SKP1: variants seen among roughly 807,000 people sequenced by gnomAD.
SKP1 encodes S-phase kinase associated protein 1.
In SKP1, 1 loss-of-function variant was observed where a neutral mutation model predicts 21.5. That is an observed-to-expected ratio of 0.05 (90% CI 0.02 to 0.22). The LOEUF (loss-of-function observed/expected upper bound fraction) is 0.22. Ranked by LOEUF, SKP1 falls within the 10% of genes least tolerant of loss-of-function variation. The pLI is 1.00. For missense variants in SKP1, 70 were observed against 192.0 expected, an observed-to-expected ratio of 0.36 and a Z score of 3.76; for synonymous variants, 59 against 59.3, an observed-to-expected ratio of 0.99 and a Z score of 0.03.
intron 2 of SKP1, chr5:134,173,414 C>CGTAT: frequency 4.4e-6 from 1 of 225,278 alleles, no homozygotes; most frequent in Non-Finnish European, 9.1e-6. Flanking sequence ...CTGACTGAGC[C>CGTAT]CAGAAGGTTG....
At chr5:134,175,787 T>C (rs1227333707) in intron 1 of SKP1, among the ~76,000 whole-genome samples, 1 of 152,190 alleles carries the variant, frequency 6.6e-6, no homozygotes, top group African/African-American at 2.4e-5. Context: ...TAGAATAAAG[T>C]GCAAAATTTT....
At chr5:134,173,858 A>G in intron 2 of SKP1, 68 bp downstream of exon 2, 1 of 882,926 alleles carries the variant, frequency 1.1e-6, no homozygotes, top group East Asian at 2.4e-5. Flanking sequence ...CTGCTCATAT[A>G]AATTTGATAT....
intron 2 of SKP1, among the ~76,000 whole-genome samples, chr5:134,173,059 G>A (rs899828131): frequency 4.0e-5 from 6 of 151,312 alleles, no homozygotes; most frequent in Admixed American, 2.0e-4. Flanking sequence ...GGGGCAGGGC[G>A]CGGTGGCTCA....
rs1761037831 is a variant in SKP1 at position 134,151,200 on chromosome 5, T to C, written c.*6533A>G. The C allele has an allele frequency of 6.6e-6, 1 of 152,510 alleles. No homozygotes were observed. Among genetic ancestry groups the C allele is most frequent in the South Asian group, 2.1e-4 (1 of 4,852 alleles). 9.4% of individuals were successfully genotyped at this position (152,510 alleles called of 1,614,324 possible). A position where few individuals can be genotyped will look rare whatever the true frequency, so the allele number is the denominator to read the frequency against. ...CAAGTCTTCCTTTTTCATTCAAGTG[T>C]TCTCATTCTTTTATCTGAAGCCTAG... On this transcript the variant is annotated 3_prime_UTR_variant, in exon 6 of 6. Transcript: ENST00000353411.
intron 2 of SKP1, among the ~76,000 whole-genome samples, chr5:134,169,587 G>A (rs1041914161): frequency 9.2e-5 from 14 of 152,198 alleles, no homozygotes; most frequent in African/African-American, 2.9e-4. Context: ...GCTTTTGGCC[G>A]GGTGCAGTGG....
At position 134,152,445 on chromosome 5, in the gene SKP1, T is replaced by G. The variant is rs1261459361; in HGVS notation, c.*5288A>C. ...TGTCCACCCCCAAACAAATCCAACT[T>G]GATTCTTGAAACCAAATTAGTTTCA... On this transcript the variant is annotated 3_prime_UTR_variant, in exon 6 of 6. Transcript: ENST00000353411. 1 of 152,318 alleles carries G rather than the reference T, an allele frequency of 6.6e-6. No individual in the cohort carries two copies. Among genetic ancestry groups the G allele is most frequent in the African/African-American group, 2.4e-5 (1 of 41,452 alleles). 9.4% of individuals were successfully genotyped at this position (152,318 alleles called of 1,614,324 possible).
At chr5:134,158,360 A>T in intron 5 of SKP1, 95 bp downstream of exon 5, 1 of 1,604,450 alleles carries the variant, frequency 6.2e-7, no homozygotes, top group East Asian at 2.2e-5. Flanking sequence ...AAGTATCAAG[A>T]CTACTTGATA....
In SKP1 at chr5:134,157,086, T is replaced by G. The variant is rs140159854; in HGVS notation, c.*647A>C. 6.6e-6 allele frequency: 1 copy of G among 152,646 alleles called. No individual in the cohort carries two copies. The highest frequency in any genetic ancestry group is 1.5e-5 in the Non-Finnish European group (1 of 68,040). The allele number at this position is 152,646 out of a possible 1,614,324, so 9.5% of individuals were successfully genotyped here. A position where few individuals can be genotyped will look rare whatever the true frequency, so the allele number is the denominator to read the frequency against. The stretch of plus-strand genomic sequence containing the variant: ...TTGAAAAGCTAACTGTCCAGTTACA[T>G]TTCTCCCAAAAAACCACAAACTGGG... On this transcript the variant is annotated 3_prime_UTR_variant, in exon 6 of 6. Coordinates refer to ENST00000353411, the MANE Select transcript of SKP1 (RefSeq NM_170679.3).
At chr5:134,171,854 G>A (rs932664675) in intron 2 of SKP1, among the ~76,000 whole-genome samples, 2 of 152,164 alleles carry the variant, frequency 1.3e-5, no homozygotes, top group African/African-American at 4.8e-5. Flanking sequence ...AGACCAGCCT[G>A]ACCAACATGG....
At position 134,151,494 on chromosome 5, in the gene SKP1, A is replaced by T; in HGVS notation, c.*6239T>A. The T allele has an allele frequency of 6.1e-6, 2 of 327,356 alleles. No individual in the cohort carries two copies. Among genetic ancestry groups the T allele is most frequent in the South Asian group, 4.8e-5 (2 of 41,738 alleles). 20.3% of individuals were successfully genotyped at this position (327,356 alleles called of 1,614,324 possible). A position where few individuals can be genotyped will look rare whatever the true frequency, so the allele number is the denominator to read the frequency against. ...AAATGGTACATTCAGGAAAGAAAGGACAAATAAGAATTTTCACCAGATAGG... is the reference window on the plus strand; with the variant it reads ...AAATGGTACATTCAGGAAAGAAAGGTCAAATAAGAATTTTCACCAGATAGG... On this transcript the variant is annotated 3_prime_UTR_variant, in exon 6 of 6. Transcript: ENST00000353411.
intron 1 of SKP1, chr5:134,176,591 G>A (rs1314853136): frequency 6.6e-6 from 1 of 152,340 alleles, no homozygotes; most frequent in African/African-American, 2.4e-5. Flanking sequence ...TGCAGAGAAG[G>A]CCCAGCCCGG....
chr5:134,159,960 GGC>G (rs1761189483), intron 4 of SKP1, among the ~76,000 whole-genome samples: 1 of 152,032 alleles, frequency 6.6e-6, no homozygotes, highest in Admixed American at 6.6e-5. Context: ...TGGGATCACA[GGC>G]GTGAGCCACC....
rs1333636490 is a variant in SKP1 at position 134,156,399 on chromosome 5, GACA to G, written c.*1331_*1333del. ...CAGACAACAAATTGGAATTAAGTGA[GACA>G]ACATATGGGACTTTATTAAATAAGG... On this transcript the variant is annotated 3_prime_UTR_variant, in exon 6 of 6. Transcript: ENST00000353411. 6.6e-6 allele frequency: 1 copy of G among 152,162 alleles called. No individual in the cohort carries two copies. Among genetic ancestry groups the G allele is most frequent in the Non-Finnish European group, 1.5e-5 (1 of 68,026 alleles). 9.4% of individuals were successfully genotyped at this position (152,162 alleles called of 1,614,324 possible).
chr5:134,176,939 A>T lies in SKP1; in HGVS notation c.-85T>A, dbSNP rs1235046976. ...GAAGGAAGAGAAAAACCGAAGACGA[A>T]GCCACTACAGCGTCGCAGCGCGGCG... On this transcript the variant is annotated 5_prime_UTR_variant, in exon 1 of 6. Transcript: ENST00000353411. The T allele has an allele frequency of 6.6e-6, 1 of 152,440 alleles. No individual in the cohort carries two copies. The highest frequency in any genetic ancestry group is 2.1e-4 in the South Asian group (1 of 4,842). The allele number at this position is 152,440 out of a possible 1,614,324, so 9.4% of individuals were successfully genotyped here. A position where few individuals can be genotyped will look rare whatever the true frequency, so the allele number is the denominator to read the frequency against.
At chr5:134,162,109 GTTGT>G (rs959564491) in intron 3 of SKP1, among the ~76,000 whole-genome samples, 57 of 152,088 alleles carry the variant, frequency 3.7e-4, no homozygotes, top group Middle Eastern at 3.4e-3. Context: ...CAAGCAAAGG[GTTGT>G]TTGTTTGTTT....
chr5:134,165,136 T>TA (rs763123752), intron 3 of SKP1, among the ~76,000 whole-genome samples: 8 of 151,882 alleles, frequency 5.3e-5, no homozygotes, highest in Non-Finnish European at 1.0e-4. Context: ...TGTGGGATGA[T>TA]AAAGTTCTGA....
Position 134,161,022 on chromosome 5 carries a change from T to C in SKP1, c.280A>G (p.Lys94Glu). 6.2e-7 allele frequency: 1 copy of C among 1,612,788 alleles called. No homozygotes were observed. Among genetic ancestry groups the C allele is most frequent in the Non-Finnish European group, 8.5e-7 (1 of 1,179,644 alleles). ...DIPVWDQEFL[K>E]VDQGTLFELI... ...TCAAAAAGTGTTCCTTGGTCAACTT[T>C]CAGGAATTCTTGGTCCCAAACAGGG... The change falls in exon 4 of 6, where the codon AAA (lysine) becomes GAA (glutamate). Residue 94 changes from lysine (K) to glutamate (E), a missense_variant. Transcript: ENST00000353411.
Position 134,168,123 on chromosome 5 carries a change from A to C in SKP1, c.98-880T>G, listed in dbSNP as rs563501602. On this transcript the variant is annotated intron_variant, in intron 2 of 5. Coordinates refer to ENST00000353411, the MANE Select transcript of SKP1 (RefSeq NM_170679.3). ...CTTGTGTGAGTACACAAATAAAGGA[A>C]TATTACATAAAATAAGTTCTTAATT... 1.1e-4 allele frequency among the ~76,000 whole-genome samples: 17 copies of C among 152,388 alleles called. No individual in the cohort carries two copies. The South Asian group carries it at 3.3e-3, about 30-fold the overall frequency.
At position 134,151,168 on chromosome 5, in the gene SKP1, T is replaced by G. The variant is rs926700136; in HGVS notation, c.*6565A>C. The G allele has an allele frequency of 6.6e-6, 1 of 152,558 alleles. No homozygotes were observed. Among genetic ancestry groups the G allele is most frequent in the Non-Finnish European group, 1.5e-5 (1 of 68,302 alleles). 9.5% of individuals were successfully genotyped at this position (152,558 alleles called of 1,614,324 possible). On this transcript the variant is annotated 3_prime_UTR_variant, in exon 6 of 6. Transcript: ENST00000353411. ...TACTTCTTTCATATTCACCAGGGGC[T>G]CTGGACCAAGTCTTCCTTTTTCATT... is the stretch of plus-strand genomic sequence containing the variant.
Sources: allele counts gnomAD v4.1 joint callset (sites outside exome capture counted in the v4.1 genomes callset), GRCh38; gene constraint gnomAD v4.1.1; transcripts MANE v1.5; gene names NCBI Gene and HGNC (gene_info 2026-07-23, HGNC 2026-07-21).